The following IL1RAPL1 variants were observed in gnomAD, a reference collection of about 807,000 sequenced individuals.
IL1RAPL1 encodes interleukin-1 receptor accessory protein-like 1.
IL1RAPL1 carries 3 observed loss-of-function variants against 48.4 expected under a neutral mutation model. That is an observed-to-expected ratio of 0.06 (90% CI 0.03 to 0.16). The LOEUF is 0.16. Ranked by LOEUF, IL1RAPL1 falls within the 10% of genes least tolerant of loss-of-function variation. The pLI is 1.00. For synonymous variants in IL1RAPL1, 185 were observed against 187.7 expected, an observed-to-expected ratio of 0.99 and a Z score of 0.12; for missense variants, 349 against 530.6, an observed-to-expected ratio of 0.66 and a Z score of 3.36.
At chrX:28,669,442 A>T (rs755547643) in intron 1 of IL1RAPL1, among the ~76,000 whole-genome samples, 46 of 108,854 alleles carry the variant, frequency 4.2e-4, no homozygotes, top group Non-Finnish European at 4.0e-4. Flanking sequence ...AACATGGTGA[A>T]ACCGTGTTTC....
At chrX:29,294,459 C>T (rs1308314970) in intron 3 of IL1RAPL1, among the ~76,000 whole-genome samples, 4 of 105,121 alleles carry the variant, frequency 3.8e-5, no homozygotes, top group African/African-American at 1.4e-4. Context: ...ACCCGGGAGG[C>T]AGAGCTTGCA....
chrX:29,269,263 G>A (rs2147590047), intron 2 of IL1RAPL1, among the ~76,000 whole-genome samples: 1 of 111,573 alleles, frequency 9.0e-6, no homozygotes, highest in East Asian at 2.8e-4. Flanking sequence ...AATCTCACTG[G>A]TAAACCAGTG....
chrX:29,884,669 C>T (rs1229993313), intron 6 of IL1RAPL1, among the ~76,000 whole-genome samples: 4 of 111,389 alleles, frequency 3.6e-5, no homozygotes, highest in Non-Finnish European at 7.5e-5. Flanking sequence ...GTCTATCCGT[C>T]TCTGCTGGAA....
intron 1 of IL1RAPL1, among the ~76,000 whole-genome samples, chrX:28,689,656 C>T (rs1397240360): frequency 9.0e-6 from 1 of 111,727 alleles, no homozygotes; most frequent in Non-Finnish European, 1.9e-5. Flanking sequence ...GAAATATTTC[C>T]AAAAATAAAA....
intron 2 of IL1RAPL1, among the ~76,000 whole-genome samples, chrX:28,956,167 A>G (rs914396174): frequency 2.8e-5 from 3 of 108,021 alleles, no homozygotes; most frequent in African/African-American, 1.0e-4. Flanking sequence ...TTGGGCTGAG[A>G]CAGTGGGGTT....
intron 5 of IL1RAPL1, among the ~76,000 whole-genome samples, chrX:29,586,957 G>T (rs1923189526): frequency 2.0e-5 from 2 of 97,578 alleles, no homozygotes; most frequent in South Asian, 1.0e-3. Flanking sequence ...TATATAAAAT[G>T]TTGTCATTTG....
At chrX:29,815,526 G>A (rs1024661223) in intron 6 of IL1RAPL1, among the ~76,000 whole-genome samples, 2 of 111,300 alleles carry the variant, frequency 1.8e-5, no homozygotes, top group African/African-American at 3.3e-5. Context: ...TATTGGTGAA[G>A]AGAGATAATG....
intron 1 of IL1RAPL1, among the ~76,000 whole-genome samples, chrX:28,760,074 G>A (rs941058025): frequency 9.0e-6 from 1 of 111,218 alleles, no homozygotes; most frequent in Non-Finnish European, 1.9e-5. Context: ...TCCCTTTGTC[G>A]ACATGTAGAA....
At chrX:28,982,136 T>G (rs1227926856) in intron 2 of IL1RAPL1, among the ~76,000 whole-genome samples, 9 of 112,196 alleles carry the variant, frequency 8.0e-5, no homozygotes, top group Non-Finnish European at 1.7e-4. Flanking sequence ...AGGTGTCTGT[T>G]TTCTCTTTCA....
intron 2 of IL1RAPL1, among the ~76,000 whole-genome samples, chrX:28,819,127 G>T (rs1370165045): frequency 1.4e-4 from 15 of 110,230 alleles, no homozygotes; most frequent in Admixed American, 2.9e-4. Flanking sequence ...AAATATACCT[G>T]GACATGTTCA....
rs1165942711 is a variant in IL1RAPL1, at chrX:29,335,255, GGGAGAC to G, written c.362+52056_362+52061del. Among the ~76,000 whole-genome samples the G allele has an allele frequency of 9.8e-3, 467 of 47,447 alleles. 19 individuals carry two copies. The highest frequency in any genetic ancestry group is 0.034 in the African/African-American group (402 of 11,944). 41.2% of individuals were successfully genotyped at this position (47,447 alleles called of 115,157 possible). ...CTCGGCATCAGAGGGAGACCGTGGA[GGGAGAC>G]GGAGACGGAGACGGAGAGGGGAGAG... On this transcript the variant is annotated intron_variant, in intron 3 of 10. Coordinates refer to ENST00000378993, the MANE Select transcript of IL1RAPL1 (RefSeq NM_014271.4).
chrX:28,739,745 A>G lies in IL1RAPL1; in HGVS notation c.-24-49575A>G, dbSNP rs567027249. Among the ~76,000 whole-genome samples, 3 of 110,681 alleles carry G rather than the reference A, an allele frequency of 2.7e-5. No individual in the cohort carries two copies. In the South Asian group the frequency reaches 1.2e-3, roughly 43 times the overall value. On this transcript the variant is annotated intron_variant, in intron 1 of 10. Coordinates refer to ENST00000378993, the MANE Select transcript of IL1RAPL1 (RefSeq NM_014271.4). The stretch of plus-strand genomic sequence containing the variant: ...TGCTTCCTCTGCCAGGAATGCTTAT[A>G]TCTTCTTTTCCCTGGCCATATGCTA...
intron 2 of IL1RAPL1, among the ~76,000 whole-genome samples, chrX:29,268,831 C>T (rs974000164): frequency 9.0e-5 from 10 of 111,728 alleles, no homozygotes; most frequent in East Asian, 2.8e-4. Context: ...AATCAGTGAA[C>T]GAATCAATGA....
At chrX:29,536,175 G>A (rs1187681751) in intron 5 of IL1RAPL1, among the ~76,000 whole-genome samples, 2 of 111,870 alleles carry the variant, frequency 1.8e-5, no homozygotes, top group Non-Finnish European at 3.8e-5. Flanking sequence ...GAAATCTACC[G>A]TTTATGGTGT....
At chrX:29,067,929 C>A (rs1927484104) in intron 2 of IL1RAPL1, among the ~76,000 whole-genome samples, 1 of 111,737 alleles carries the variant, frequency 8.9e-6, no homozygotes, top group African/African-American at 3.2e-5. Flanking sequence ...AATTTGAGTT[C>A]TACAAAACTT....
intron 5 of IL1RAPL1, among the ~76,000 whole-genome samples, chrX:29,557,520 G>T (rs1051947762): frequency 3.6e-5 from 4 of 111,908 alleles, no homozygotes; most frequent in African/African-American, 1.3e-4. Flanking sequence ...TTTTGTGTGT[G>T]TGTGGTGAGA....
At chrX:29,128,396 G>T (rs1928944328) in intron 2 of IL1RAPL1, among the ~76,000 whole-genome samples, 1 of 111,372 alleles carries the variant, frequency 9.0e-6, no homozygotes, top group Non-Finnish European at 1.9e-5. Context: ...GAGTATTGAA[G>T]AACGTGCCAT....
At chrX:29,726,334 G>A (rs1927774543) in intron 6 of IL1RAPL1, among the ~76,000 whole-genome samples, 1 of 112,116 alleles carries the variant, frequency 8.9e-6, no homozygotes, top group Non-Finnish European at 1.9e-5. Context: ...ATTAACAAAT[G>A]CATTATACCT....
rs1424323134 is a variant in IL1RAPL1 at position 28,836,384 on chromosome X, GAGAC to G, written c.82+46971_82+46974del. Among the ~76,000 whole-genome samples, 38 of 92,736 alleles carry G rather than the reference GAGAC, an allele frequency of 4.1e-4. 1 individual carries two copies. Among genetic ancestry groups the G allele is most frequent in the African/African-American group, 5.6e-4 (11 of 19,475 alleles). The allele number at this position is 92,736 out of a possible 115,157, so 80.5% of individuals were successfully genotyped here. A position where few individuals can be genotyped will look rare whatever the true frequency, so the allele number is the denominator to read the frequency against. ...TATATGACAGAGAGAGAGAGAGAGA[GAGAC>G]AGACAGACAGAGAGAGAGAGTCCAT... On this transcript the variant is annotated intron_variant, in intron 2 of 10. Transcript: ENST00000378993.
Sources: allele counts gnomAD v4.1 joint callset (sites outside exome capture counted in the v4.1 genomes callset), GRCh38; gene constraint gnomAD v4.1.1; transcripts MANE v1.5; gene names NCBI Gene and HGNC (gene_info 2026-07-23, HGNC 2026-07-21).